Variants in S100Z observed in about 807,000 individuals in gnomAD.
The protein encoded by S100Z is S100 calcium binding protein Z, also known as protein S100-Z.
Under a neutral mutation model 8.5 loss-of-function variants are expected in S100Z, and 11 were observed. The ratio of observed to expected loss-of-function variants is 1.30; its 90% CI spans 0.82 to 2.15. The LOEUF (loss-of-function observed/expected upper bound fraction) is 2.15. S100Z is among the 30% of genes most tolerant of loss of function. S100Z has a pLI of 0.00. For synonymous variants in S100Z, 34 were observed against 43.8 expected, an observed-to-expected ratio of 0.78 and a Z score of 0.89; for missense variants, 126 against 117.9, an observed-to-expected ratio of 1.07 and a Z score of -0.32.
the S100Z span, among the ~76,000 whole-genome samples, chr5:76,928,097 G>A: frequency 1.3e-5 from 2 of 152,138 alleles, no homozygotes; most frequent in African/African-American, 4.8e-5. Flanking sequence ...TGGATTTCAC[G>A]TATCCTTTAG....
At chr5:76,909,347 G>T (rs79806538) in intron 4 of S100Z, among the ~76,000 whole-genome samples, 1 of 152,218 alleles carries the variant, frequency 6.6e-6, no homozygotes, top group African/African-American at 2.4e-5. Context: ...CTACGGCCTG[G>T]CCCCAATATT....
chr5:76,895,559 A>AT (rs1029017872), intron 4 of S100Z, among the ~76,000 whole-genome samples: 13 of 152,096 alleles, frequency 8.5e-5, no homozygotes, highest in African/African-American at 2.9e-4. Context: ...ATTATTTAAA[A>AT]TTTTTTGTGG....
chr5:76,868,063 C>T (rs1031512118), intron 1 of S100Z, among the ~76,000 whole-genome samples: 4 of 152,228 alleles, frequency 2.6e-5, no homozygotes, highest in Non-Finnish European at 5.9e-5. Flanking sequence ...AGGTGTGTCT[C>T]CCCCTCCTGG....
the S100Z span, among the ~76,000 whole-genome samples, chr5:76,927,090 A>G: frequency 1.8e-3 from 274 of 152,284 alleles, 3 homozygotes; most frequent in Non-Finnish European, 1.6e-3. Context: ...AATAGTAGTA[A>G]CATAAGACAT....
chr5:76,925,772 C>T (rs553051540), downstream of S100Z, among the ~76,000 whole-genome samples: 4 of 152,090 alleles, frequency 2.6e-5, no homozygotes, highest in East Asian at 1.9e-4. Flanking sequence ...TTTAGGACTA[C>T]CCTGGCTAAC....
At chr5:76,875,592 T>C in intron 3 of S100Z, 92 bp downstream of exon 3, 1 of 1,194,468 alleles carries the variant, frequency 8.4e-7, no homozygotes, top group Non-Finnish European at 1.1e-6. Flanking sequence ...GTCCTGTGAT[T>C]CTGTCACAAA....
chr5:76,891,168 T>A (rs1258220012), intron 4 of S100Z, among the ~76,000 whole-genome samples: 1 of 152,218 alleles, frequency 6.6e-6, no homozygotes, highest in Non-Finnish European at 1.5e-5. Flanking sequence ...CGGCCCCCAG[T>A]TTCTTCCTTT....
At chr5:76,893,781 G>T (rs1743944774) in intron 4 of S100Z, among the ~76,000 whole-genome samples, 1 of 152,114 alleles carries the variant, frequency 6.6e-6, no homozygotes, top group African/African-American at 2.4e-5. Context: ...GACCTTTCTG[G>T]AGAATCCTCT....
chr5:76,887,555 G>A (rs747484933), intron 4 of S100Z, among the ~76,000 whole-genome samples: 2 of 151,796 alleles, frequency 1.3e-5, no homozygotes, highest in African/African-American at 4.8e-5. Flanking sequence ...ACACCACCAC[G>A]CCTGGCTAAC....
At chr5:76,944,863 T>C in the S100Z span, among the ~76,000 whole-genome samples, 1 of 152,186 alleles carries the variant, frequency 6.6e-6, no homozygotes, top group Non-Finnish European at 1.5e-5. Context: ...ATTTTTCCCT[T>C]TGATGCAGGC....
chr5:76,852,191 A>T (rs1202006964), intron 1 of S100Z, among the ~76,000 whole-genome samples: 2 of 152,038 alleles, frequency 1.3e-5, no homozygotes, highest in African/African-American at 2.4e-5. Flanking sequence ...CCTCCACTCC[A>T]CTTGGCTGTC....
At chr5:76,852,101 C>T (rs1430723708) in intron 1 of S100Z, among the ~76,000 whole-genome samples, 2 of 151,814 alleles carry the variant, frequency 1.3e-5, no homozygotes, top group Non-Finnish European at 2.9e-5. Flanking sequence ...TGAGCCATAT[C>T]CCATCTGGCA....
intron 1 of S100Z, among the ~76,000 whole-genome samples, chr5:76,855,128 A>G (rs1426402675): frequency 2.6e-5 from 4 of 152,246 alleles, no homozygotes; most frequent in African/African-American, 7.2e-5. Flanking sequence ...CTGTGTGTCC[A>G]GGCAGAAGAC....
chr5:76,866,298 T>C (rs1260794714), intron 1 of S100Z, among the ~76,000 whole-genome samples: 1 of 152,026 alleles, frequency 6.6e-6, no homozygotes, highest in Non-Finnish European at 1.5e-5. Flanking sequence ...TTGCCCACAA[T>C]GGTCTCGAAA....
intron 1 of S100Z, among the ~76,000 whole-genome samples, chr5:76,861,874 ATCT>A (rs1303241225): frequency 1.3e-5 from 2 of 152,194 alleles, no homozygotes; most frequent in African/African-American, 2.4e-5. Flanking sequence ...CAGAGAAAGA[ATCT>A]TCTTAGCTGT....
At chr5:76,872,982 T>TAATA (rs888745776) in intron 2 of S100Z, among the ~76,000 whole-genome samples, 4 of 151,990 alleles carry the variant, frequency 2.6e-5, no homozygotes, top group Admixed American at 6.6e-5. Context: ...TCAAAAATAA[T>TAATA]AATAAATAAA....
chr5:76,921,990 A>G (rs1157222298), downstream of S100Z, among the ~76,000 whole-genome samples: 1 of 76,170 alleles, frequency 1.3e-5, no homozygotes, highest in Admixed American at 1.4e-4. Context: ...GACTGTCTCA[A>G]AAAAAAAAAA....
At chr5:76,888,367 ATTTTTTTTT>A (rs1171043164) in intron 4 of S100Z, among the ~76,000 whole-genome samples, 647 of 45,396 alleles carry the variant, frequency 0.014, 4 homozygotes, top group African/African-American at 0.054. Flanking sequence ...AAGTGCTGGT[ATTTTTTTTT>A]TTTTTTTTTT....
At chr5:76,914,320 C>T (rs1216476303) in intron 4 of S100Z, among the ~76,000 whole-genome samples, 4 of 151,836 alleles carry the variant, frequency 2.6e-5, no homozygotes, top group Non-Finnish European at 5.9e-5. Context: ...TTCTGTCTAG[C>T]TAAAGGATTG....
Sources: allele counts gnomAD v4.1 joint callset (sites outside exome capture counted in the v4.1 genomes callset), GRCh38; gene constraint gnomAD v4.1.1; transcripts MANE v1.5; gene names NCBI Gene and HGNC (gene_info 2026-07-23, HGNC 2026-07-21).